The following MTUS2 variants were observed in gnomAD, a reference collection of about 807,000 sequenced individuals.
MTUS2 encodes microtubule associated scaffold protein 2.
In MTUS2, 40 loss-of-function variants were observed where a neutral mutation model predicts 114.1. That is an observed-to-expected ratio of 0.35 (90% CI 0.27 to 0.46). MTUS2 has a LOEUF of 0.46. MTUS2 is among the 20% of genes least tolerant of loss of function. The probability of loss-of-function intolerance (pLI) is 1.00; values close to 1 mark genes in which losing one functional copy is unlikely to be tolerated. For missense variants in MTUS2, 1,679 were observed against 1,705.4 expected, an observed-to-expected ratio of 0.98 and a Z score of 0.27; for synonymous variants, 688 against 672.0, an observed-to-expected ratio of 1.02 and a Z score of -0.37.
intron 2 of MTUS2, among the ~76,000 whole-genome samples, chr13:28,910,832 G>T (rs1440728744): frequency 7.5e-6 from 1 of 133,256 alleles, no homozygotes; most frequent in African/African-American, 2.8e-5. Flanking sequence ...AATAGTGGCT[G>T]CAATGAACAC....
chr13:29,502,907 C>T, intron 15 of MTUS2, 86 bp from the exon 16 acceptor site: 1 of 1,367,698 alleles, frequency 7.3e-7, no homozygotes. Context: ...TCATGGCCTC[C>T]TCCCTTTGCC....
intron 13 of MTUS2, chr13:29,497,724 A>T (rs891594331): frequency 3.5e-5 from 7 of 199,780 alleles, no homozygotes; most frequent in South Asian, 2.4e-4. Context: ...GTTGAGGGGA[A>T]TTTTTTCCAG....
At chr13:29,342,743 C>T (rs573115989) in intron 7 of MTUS2, among the ~76,000 whole-genome samples, 3 of 152,218 alleles carry the variant, frequency 2.0e-5, no homozygotes, top group South Asian at 2.1e-4. Flanking sequence ...TTCCAGTTCT[C>T]AGAGGGAATG....
chr13:29,206,457 G>T (rs1895188857), intron 5 of MTUS2, among the ~76,000 whole-genome samples: 1 of 152,062 alleles, frequency 6.6e-6, no homozygotes, highest in Admixed American at 6.5e-5. Flanking sequence ...TTTGCTTTTG[G>T]GTTCGTAGTC....
intron 8 of MTUS2, among the ~76,000 whole-genome samples, chr13:29,385,264 C>T (rs993868472): frequency 6.6e-6 from 1 of 152,214 alleles, no homozygotes; most frequent in African/African-American, 2.4e-5. Flanking sequence ...TTCATTGTCC[C>T]TGTGGTCCCT....
At chr13:28,918,923 T>C (rs1469739696) in intron 2 of MTUS2, among the ~76,000 whole-genome samples, 3 of 152,128 alleles carry the variant, frequency 2.0e-5, no homozygotes, top group South Asian at 4.1e-4. Flanking sequence ...TTAACACTGA[T>C]TGCATAAACA....
intron 2 of MTUS2, among the ~76,000 whole-genome samples, chr13:28,908,806 G>A (rs1880215828): frequency 6.6e-6 from 1 of 151,382 alleles, no homozygotes; most frequent in African/African-American, 2.4e-5. Context: ...TTTCTTCTAG[G>A]GTTTTTATGG....
chr13:28,947,016 T>C (rs1174854326), intron 2 of MTUS2, among the ~76,000 whole-genome samples: 2 of 152,210 alleles, frequency 1.3e-5, no homozygotes, highest in African/African-American at 4.8e-5. Context: ...AGCCACAGTT[T>C]ACAAACATTA....
intron 8 of MTUS2, among the ~76,000 whole-genome samples, chr13:29,402,648 A>G (rs1874431413): frequency 6.6e-6 from 1 of 152,072 alleles, no homozygotes; most frequent in South Asian, 2.1e-4. Flanking sequence ...AAGTTGCCAG[A>G]GCTATTTTGT....
chr13:28,979,228 C>G (rs964828075), intron 2 of MTUS2, among the ~76,000 whole-genome samples: 5 of 152,166 alleles, frequency 3.3e-5, no homozygotes, highest in Non-Finnish European at 7.3e-5. Context: ...GTTAGGTACT[C>G]TGTGTTGAGA....
intron 5 of MTUS2, among the ~76,000 whole-genome samples, chr13:29,210,309 C>T (rs141503080): frequency 6.6e-6 from 1 of 152,028 alleles, no homozygotes; most frequent in African/African-American, 2.4e-5. Flanking sequence ...CTATGTATTT[C>T]TCTGGAGATT....
intron 2 of MTUS2, among the ~76,000 whole-genome samples, chr13:28,982,891 A>G (rs1884422480): frequency 6.6e-6 from 1 of 152,116 alleles, no homozygotes; most frequent in South Asian, 2.1e-4. Flanking sequence ...AACATGGGGG[A>G]ATTGTTTAAT....
intron 2 of MTUS2, among the ~76,000 whole-genome samples, chr13:28,928,286 G>A (rs2138078286): frequency 6.6e-6 from 1 of 152,234 alleles, no homozygotes; most frequent in South Asian, 2.1e-4. Context: ...CTACTGCATA[G>A]CAAGGGAAAC....
chr13:28,928,616 C>T (rs1881453625), intron 2 of MTUS2, among the ~76,000 whole-genome samples: 1 of 152,074 alleles, frequency 6.6e-6, no homozygotes, highest in South Asian at 2.1e-4. Context: ...GAATGGGGAA[C>T]CCTTATATGC....
intron 2 of MTUS2, among the ~76,000 whole-genome samples, chr13:28,859,050 G>C (rs746942574): frequency 2.6e-4 from 40 of 152,300 alleles, no homozygotes; most frequent in Admixed American, 5.2e-4. Flanking sequence ...ACTCAAGACA[G>C]GCTGCTTTTT....
At chr13:29,306,488 C>G (rs1480453487) in intron 6 of MTUS2, among the ~76,000 whole-genome samples, 1 of 152,072 alleles carries the variant, frequency 6.6e-6, no homozygotes, top group African/African-American at 2.4e-5. Context: ...TTCCTATACA[C>G]CAACAACAGG....
At chr13:29,182,185 C>T (rs1318370788) in intron 5 of MTUS2, among the ~76,000 whole-genome samples, 2 of 152,142 alleles carry the variant, frequency 1.3e-5, no homozygotes, top group Non-Finnish European at 1.5e-5. Context: ...AGACAAAAAC[C>T]TTGGAGTCAT....
At chr13:29,137,560 C>T (rs141658301) in intron 5 of MTUS2, among the ~76,000 whole-genome samples, 1 of 151,770 alleles carries the variant, frequency 6.6e-6, no homozygotes, top group Non-Finnish European at 1.5e-5. Flanking sequence ...TTTCTTCTTT[C>T]TTCTTTGTTC....
intron 2 of MTUS2, among the ~76,000 whole-genome samples, chr13:28,975,367 C>T (rs558601682): frequency 2.0e-5 from 3 of 152,334 alleles, no homozygotes; most frequent in Non-Finnish European, 4.4e-5. Context: ...GGGGTCTTTG[C>T]CCGGCCCTGA....
Sources: gnomAD v4.1 joint callset for allele counts (sites outside exome capture counted in the v4.1 genomes callset) on GRCh38, gnomAD v4.1.1 for gene constraint, MANE v1.5 for transcripts, NCBI Gene and HGNC (gene_info 2026-07-23, HGNC 2026-07-21) for gene names.